Variants in DHX8 observed in about 807,000 individuals in gnomAD.
The protein encoded by DHX8 is DEAH-box helicase 8, also known as ATP-dependent RNA helicase DHX8.
A neutral mutation model predicts 140.7 loss-of-function variants in DHX8; 67 were observed. The ratio of observed to expected loss-of-function variants is 0.48; its 90% confidence interval spans 0.39 to 0.58. The LOEUF (loss-of-function observed/expected upper bound fraction) is 0.58, where lower values mean the gene tolerates loss of function less well. DHX8 is among the 20% of genes least tolerant of loss of function. The probability of loss-of-function intolerance (pLI) is 0.00; values close to 1 mark genes in which losing one functional copy is unlikely to be tolerated. For synonymous variants in DHX8, 533 were observed against 553.2 expected (o/e 0.96, Z 0.51); for missense variants, 887 against 1,550.7 (o/e 0.57, Z 7.19).
At chr17:43,487,593 A>G (rs71382972) in intron 1 of DHX8, among the ~76,000 whole-genome samples, 2,358 of 152,242 alleles carry the variant, frequency 0.015, 64 homozygotes, top group African/African-American at 0.055. Flanking sequence ...GGCTCGAGCA[A>G]TCTGCCCACC....
rs779469976 is a variant in DHX8, at chr17:43,525,033, ATCC to A, written c.*1191_*1193del. The A allele has an allele frequency of 1.6e-5, 16 of 985,204 alleles. No homozygotes were observed. Among genetic ancestry groups the A allele is most frequent in the African/African-American group, 1.7e-5 (1 of 57,158 alleles). The allele number at this position is 985,204 out of a possible 1,614,324, so 61.0% of individuals were successfully genotyped here. ...GCTCTCCAATCCCTGGCGTCAAGCAATCCTCCTGCCTCTGCCTCCCAAAGCGCT... is the reference window on the plus strand; with the variant it reads ...GCTCTCCAATCCCTGGCGTCAAGCAATCCTGCCTCTGCCTCCCAAAGCGCT... On this transcript the variant is annotated 3_prime_UTR_variant, in exon 23 of 23. Coordinates refer to ENST00000262415, the MANE Select transcript of DHX8 (RefSeq NM_004941.3).
At chr17:43,502,811 G>C (rs546026874) in intron 11 of DHX8, among the ~76,000 whole-genome samples, 1 of 152,078 alleles carries the variant, frequency 6.6e-6, no homozygotes, top group African/African-American at 2.4e-5. Flanking sequence ...GGACATATTC[G>C]TTCATTGTTT....
chr17:43,511,799 A>G (rs1969854917), intron 16 of DHX8, among the ~76,000 whole-genome samples: 1 of 145,786 alleles, frequency 6.9e-6, no homozygotes, highest in African/African-American at 2.5e-5. Flanking sequence ...GGATCCCTTG[A>G]GCCCAGAAGT....
downstream of DHX8, chr17:43,526,888 G>T (rs1970636357): frequency 3.2e-6 from 1 of 309,054 alleles, no homozygotes; most frequent in Admixed American, 4.6e-5. Flanking sequence ...TTTGTGGGTA[G>T]TAGTCGAGGG....
intron 11 of DHX8, among the ~76,000 whole-genome samples, chr17:43,501,783 C>T (rs1969214990): frequency 1.3e-5 from 2 of 152,106 alleles, no homozygotes; most frequent in African/African-American, 2.4e-5. Context: ...CCACCGTGCC[C>T]AGCCAGATGT....
chr17:43,504,866 A>G (rs1598149245), intron 12 of DHX8, 41 bp downstream of exon 12: 1 of 1,560,396 alleles, frequency 6.4e-7, no homozygotes, highest in South Asian at 1.2e-5. Context: ...GAGTAGGGTT[A>G]TTGTCTAAAA....
intron 2 of DHX8, chr17:43,533,830 C>A (rs777657283): frequency 1.1e-5 from 18 of 1,605,900 alleles, no homozygotes; most frequent in Non-Finnish European, 1.5e-5. Context: ...CCTTCTCCTA[C>A]CCTTCACCAG....
At chr17:43,512,772 G>A (rs1446521108) in intron 16 of DHX8, among the ~76,000 whole-genome samples, 1 of 152,194 alleles carries the variant, frequency 6.6e-6, no homozygotes, top group African/African-American at 2.4e-5. Flanking sequence ...TGGAAGAACA[G>A]TGACAGTGCC....
Position 43,513,511 on chromosome 17 carries a change from G to A in DHX8, c.2643+9G>A. The A allele has an allele frequency of 6.2e-7, 1 of 1,612,142 alleles. No homozygotes were observed. Among genetic ancestry groups the A allele is most frequent in the East Asian group, 2.2e-5 (1 of 44,806 alleles). On this transcript the variant is annotated intron_variant, in intron 17 of 22. Coordinates refer to ENST00000262415, the MANE Select transcript of DHX8 (RefSeq NM_004941.3). Reference sequence around the variant, plus strand: ...TGACGCCTATTTCTCAGGTATGACGGCTTGTATCAACAGTTTTCCTGATAA... The same window carrying A: ...TGACGCCTATTTCTCAGGTATGACGACTTGTATCAACAGTTTTCCTGATAA...
Position 43,498,793 on chromosome 17 carries a change from T to G in DHX8, c.1301-69T>G, listed in dbSNP as rs1172998729. 3.8e-6 allele frequency: 5 copies of G among 1,305,114 alleles called. No individual in the cohort carries two copies. The Admixed American group carries it at 1.1e-4, about 29-fold the overall frequency. 80.8% of individuals were successfully genotyped at this position (1,305,114 alleles called of 1,614,324 possible). A position where few individuals can be genotyped will look rare whatever the true frequency, so the allele number is the denominator to read the frequency against. ...AAAGATTGTTGGTACCTATGGAAAT[T>G]AATTGTCTTGGTGAAAATTGTTATT... On this transcript the variant is annotated intron_variant, in intron 9 of 22. Transcript: ENST00000262415.
At position 43,504,708 on chromosome 17, in the gene DHX8, G is replaced by A. The variant is rs1439974488; in HGVS notation, c.1611G>A (p.Glu537=). The change falls in exon 12 of 23, where the codon GAG becomes GAA. Residue 537 remains glutamate (E), a synonymous_variant. Coordinates refer to ENST00000262415, the MANE Select transcript of DHX8 (RefSeq NM_004941.3). ...GIGMMPNDIP[E]WKKHAFGGNK... ...GGATGATGCCCAATGATATTCCTGA[G>A]TGGAAGAAGCATGCCTTTGGGGGCA... The A allele has an allele frequency of 1.2e-6, 2 of 1,614,032 alleles. No homozygotes were observed. The highest frequency in any genetic ancestry group is 1.7e-6 in the Non-Finnish European group (2 of 1,180,038).
At chr17:43,509,749 A>G (rs539228294) in intron 16 of DHX8, among the ~76,000 whole-genome samples, 28 of 152,030 alleles carry the variant, frequency 1.8e-4, no homozygotes, top group Middle Eastern at 3.4e-3. Flanking sequence ...GCTCACTGCA[A>G]CCTTCACCTC....
In DHX8 at chr17:43,520,136, G is replaced by A. The variant is rs1970305150; in HGVS notation, c.2806G>A (p.Gly936Ser). ...TTCTTCCTTTCTGTTCTAGGCCATG[G>A]GTATCAATGATCTGCTGTCCTTTGA... ...ASTVLSLKAMGINDLLSFDFM... is the reference protein window; with the variant it reads ...ASTVLSLKAMSINDLLSFDFM... Residue 936 changes from glycine to serine, a missense_variant, in exon 19 of 23, where the codon GGT (glycine) becomes AGT (serine). By Grantham distance (56) the Gly-to-Ser change is moderately conservative. Transcript: ENST00000262415. The A allele has an allele frequency of 1.9e-6, 3 of 1,614,116 alleles. No individual in the cohort carries two copies. In the East Asian group the frequency reaches 6.7e-5, roughly 36 times the overall value.
At chr17:43,539,967 G>A (rs1475458863) in intron 3 of DHX8, among the ~76,000 whole-genome samples, 3 of 152,194 alleles carry the variant, frequency 2.0e-5, no homozygotes, top group Non-Finnish European at 4.4e-5. Flanking sequence ...GCAGCTAAAC[G>A]AGAACTTAGG....
chr17:43,520,912 T>A, intron 20 of DHX8, 33 bp downstream of exon 20: 1 of 1,565,500 alleles, frequency 6.4e-7, no homozygotes, highest in Non-Finnish European at 8.6e-7. Context: ...TAGATGGGGG[T>A]GCCATGAAGT....
chr17:43,518,820 C>G (rs1033477778), intron 18 of DHX8: 5 of 152,128 alleles, frequency 3.3e-5, no homozygotes, highest in Non-Finnish European at 5.9e-5. Flanking sequence ...TTTGTCTATT[C>G]TAGATAGCCT....
intron 8 of DHX8, among the ~76,000 whole-genome samples, chr17:43,494,506 G>A (rs887968359): frequency 1.3e-5 from 2 of 151,954 alleles, no homozygotes; most frequent in Non-Finnish European, 1.5e-5. Context: ...CGGGTCACGA[G>A]CTCAGGAGTT....
At chr17:43,484,231 A>T in intron 1 of DHX8, 46 bp downstream of exon 1, 1 of 1,481,366 alleles carries the variant, frequency 6.8e-7, no homozygotes. Flanking sequence ...GATTGAGGGA[A>T]GCGGAAGGAG....
intron 12 of DHX8, among the ~76,000 whole-genome samples, 178 bp downstream of exon 12, chr17:43,505,003 G>A (rs185724789): frequency 5.6e-4 from 86 of 152,294 alleles, no homozygotes; most frequent in East Asian, 7.7e-4. Context: ...GGGGCTGGGC[G>A]CGGTAGTGGA....
Sources: gnomAD v4.1 joint callset for allele counts (sites outside exome capture counted in the v4.1 genomes callset) on GRCh38, gnomAD v4.1.1 for gene constraint, MANE v1.5 for transcripts, NCBI Gene and HGNC (gene_info 2026-07-23, HGNC 2026-07-21) for gene names.